Variants in CEP57 observed in about 807,000 individuals in gnomAD.
CEP57 encodes centrosomal protein 57.
CEP57 carries 40 observed loss-of-function variants against 68.0 expected under a neutral mutation model. The observed-to-expected ratio is 0.59, with a 90% CI of 0.46 to 0.77. CEP57 has a LOEUF of 0.77. CEP57 is among the 30% of genes least tolerant of loss of function. The pLI is 0.00. For synonymous variants in CEP57, 219 were observed against 198.7 expected, an observed-to-expected ratio of 1.10 and a Z score of -0.86; for missense variants, 606 against 580.7, an observed-to-expected ratio of 1.04 and a Z score of -0.45.
intron 1 of CEP57, among the ~76,000 whole-genome samples, chr11:95,795,340 G>A (rs1565309116): frequency 6.6e-6 from 1 of 151,996 alleles, no homozygotes; most frequent in East Asian, 1.9e-4. Flanking sequence ...ATTTTCATAA[G>A]TTGCATTTTC....
In CEP57 at chr11:95,828,034, TTTTG is replaced by T. The variant is rs1862827042; in HGVS notation, c.1127+11_1127+14del. On this transcript the variant is annotated splice_region_variant and intron_variant, in intron 9 of 10. Transcript: ENST00000325542. ...AATTTGGGCAAATGAGCTTGTGAGT[TTTTG>T]TTTTTTTTTTTAAATTCAGTTTAGC... 29 of 1,610,834 alleles carry T rather than the reference TTTTG, an allele frequency of 1.8e-5. No individual in the cohort carries two copies. Among genetic ancestry groups the T allele is most frequent in the Middle Eastern group, 1.6e-4 (1 of 6,070 alleles).
chr11:95,806,774 G>C (rs1861821237), intron 2 of CEP57, among the ~76,000 whole-genome samples: 1 of 152,252 alleles, frequency 6.6e-6, no homozygotes, highest in African/African-American at 2.4e-5. Flanking sequence ...GCCTGCCTCT[G>C]TAGACTAACC....
At chr11:95,827,662 A>T (rs1862801141) in intron 8 of CEP57, 124 bp from the exon 9 acceptor site, 8 of 1,067,538 alleles carry the variant, frequency 7.5e-6, no homozygotes, top group Non-Finnish European at 1.1e-5. Context: ...TGATGAGAAT[A>T]ATTTTAGGAT....
intron 2 of CEP57, among the ~76,000 whole-genome samples, chr11:95,802,594 C>T (rs533188799): frequency 5.9e-5 from 9 of 152,202 alleles, no homozygotes; most frequent in Non-Finnish European, 1.0e-4. Flanking sequence ...GACATTGTGG[C>T]TTAGTTTTTC....
rs576117270 is a variant in CEP57, at chr11:95,790,594, G to C, written c.-105G>C. The C allele has an allele frequency of 7.2e-6, 10 of 1,398,222 alleles. No individual in the cohort carries two copies. In the Admixed American group the frequency reaches 9.8e-5, roughly 14 times the overall value. 86.6% of individuals were successfully genotyped at this position (1,398,222 alleles called of 1,614,324 possible). On this transcript the variant is annotated 5_prime_UTR_variant, in exon 1 of 11. Coordinates refer to ENST00000325542, the MANE Select transcript of CEP57 (RefSeq NM_014679.5). ...GCACCCTTGCCCTTTTCCATCAGGGGTTCAGCCTAGGGTCCCCGCTGGTGG... is the reference window on the plus strand; with the variant it reads ...GCACCCTTGCCCTTTTCCATCAGGGCTTCAGCCTAGGGTCCCCGCTGGTGG...
intron 2 of CEP57, among the ~76,000 whole-genome samples, chr11:95,803,041 T>C (rs961598477): frequency 1.2e-4 from 19 of 152,182 alleles, no homozygotes; most frequent in Admixed American, 4.6e-4. Flanking sequence ...TCTATATGTT[T>C]GAGGGACTGA....
At chr11:95,817,676 C>T in intron 4 of CEP57, 111 bp from the exon 5 acceptor site, 1 of 752,300 alleles carries the variant, frequency 1.3e-6, no homozygotes, top group Non-Finnish European at 2.4e-6. Flanking sequence ...ATGTTATTTT[C>T]CTAGAAGTAG....
chr11:95,810,899 C>T (rs1862031911), intron 2 of CEP57, among the ~76,000 whole-genome samples: 1 of 152,090 alleles, frequency 6.6e-6, no homozygotes, highest in Admixed American at 6.6e-5. Context: ...CAAGACAATC[C>T]TGAGCCATTA....
chr11:95,797,820 G>T (rs1453478063), intron 1 of CEP57, among the ~76,000 whole-genome samples: 1 of 152,154 alleles, frequency 6.6e-6, no homozygotes, highest in Non-Finnish European at 1.5e-5. Context: ...TAGTTAATGG[G>T]ATTCCCCTGA....
chr11:95,802,757 C>T (rs2135274716), intron 2 of CEP57, among the ~76,000 whole-genome samples: 1 of 152,304 alleles, frequency 6.6e-6, no homozygotes, highest in East Asian at 1.9e-4. Context: ...TGAAGTCTTA[C>T]TATTAATAGT....
intron 1 of CEP57, 94 bp from the exon 2 acceptor site, chr11:95,799,134 CTGTA>C (rs1278333687): frequency 4.2e-6 from 5 of 1,201,358 alleles, no homozygotes; most frequent in Non-Finnish European, 6.1e-6. Context: ...TTTCTGTTGT[CTGTA>C]TGGACAGTCA....
chr11:95,803,134 T>C (rs1385465928), intron 2 of CEP57, among the ~76,000 whole-genome samples: 1 of 152,066 alleles, frequency 6.6e-6, no homozygotes, highest in Non-Finnish European at 1.5e-5. Context: ...CATATTTTGT[T>C]GTGGGGAATG....
At chr11:95,822,282 CTGT>C (rs1418351752) in intron 7 of CEP57, 3 of 587,686 alleles carry the variant, frequency 5.1e-6, no homozygotes, top group South Asian at 4.1e-5. Context: ...TAGAATGTAA[CTGT>C]TGTTTTGTCA....
chr11:95,824,136 C>T (rs1209752158), intron 8 of CEP57, among the ~76,000 whole-genome samples: 2 of 150,298 alleles, frequency 1.3e-5, no homozygotes, highest in African/African-American at 2.5e-5. Flanking sequence ...GTCCCAGCTA[C>T]TCAGGAGGCT....
intron 10 of CEP57, among the ~76,000 whole-genome samples, chr11:95,829,748 G>A (rs1306566715): frequency 6.6e-6 from 1 of 152,142 alleles, no homozygotes; most frequent in East Asian, 1.9e-4. Context: ...ACCAGATGCA[G>A]TGGTGACATC....
intron 8 of CEP57, 109 bp downstream of exon 8, chr11:95,822,685 A>G: frequency 9.7e-7 from 1 of 1,031,726 alleles, no homozygotes; most frequent in South Asian, 1.3e-5. Context: ...CTGTGCCTTT[A>G]CCAGTGTGTG....
At chr11:95,827,760 T>G (rs534337578) in intron 8 of CEP57, 26 bp from the exon 9 acceptor site, 3 of 1,613,436 alleles carry the variant, frequency 1.9e-6, no homozygotes, top group Non-Finnish European at 2.5e-6. Flanking sequence ...CTTCAATTAC[T>G]TCTTTCATCA....
intron 1 of CEP57, among the ~76,000 whole-genome samples, chr11:95,795,140 A>G (rs1861286914): frequency 6.6e-6 from 1 of 152,010 alleles, no homozygotes; most frequent in South Asian, 2.1e-4. Flanking sequence ...CTGCTGTTGG[A>G]ATTTTGGTTT....
Position 95,790,600 on chromosome 11 carries a change from C to G in CEP57, c.-99C>G. 5.5e-6 allele frequency: 8 copies of G among 1,451,668 alleles called. No homozygotes were observed. Among genetic ancestry groups the G allele is most frequent in the Non-Finnish European group, 7.6e-6 (8 of 1,053,940 alleles). The allele number at this position is 1,451,668 out of a possible 1,614,324, so 89.9% of individuals were successfully genotyped here. ...TTGCCCTTTTCCATCAGGGGTTCAG[C>G]CTAGGGTCCCCGCTGGTGGGCGGCT... On this transcript the variant is annotated 5_prime_UTR_variant, in exon 1 of 11. Coordinates refer to ENST00000325542, the MANE Select transcript of CEP57 (RefSeq NM_014679.5).
Sources: gnomAD v4.1 joint callset for allele counts (sites outside exome capture counted in the v4.1 genomes callset) on GRCh38, gnomAD v4.1.1 for gene constraint, MANE v1.5 for transcripts, NCBI Gene and HGNC (gene_info 2026-07-23, HGNC 2026-07-21) for gene names.